ANKS4B: variants seen among roughly 807,000 people sequenced by gnomAD.
The protein encoded by ANKS4B is ankyrin repeat and SAM domain-containing protein 4B.
Under a neutral mutation model 20.2 loss-of-function variants are expected in ANKS4B, and 21 were observed. The observed-to-expected ratio is 1.04, with a 90% confidence interval of 0.74 to 1.50. ANKS4B has a LOEUF of 1.50. Ranked by LOEUF, ANKS4B falls within the 40% of genes most tolerant of loss-of-function variation. ANKS4B has a pLI of 0.00. For synonymous variants in ANKS4B, 179 were observed against 194.5 expected (o/e 0.92, Z 0.66); for missense variants, 473 against 494.6 (o/e 0.96, Z 0.41).
chr16:21,242,270 T>C (rs969960304), intron 1 of ANKS4B, among the ~76,000 whole-genome samples: 4 of 152,126 alleles, frequency 2.6e-5, no homozygotes, highest in African/African-American at 9.7e-5. Context: ...CACTGCAACC[T>C]CCGCCTCCCG....
Position 21,250,007 on chromosome 16 carries a change from C to T in ANKS4B, c.441C>T (p.Ile147=), listed in dbSNP as rs748695116. The T allele has an allele frequency of 6.2e-7, 1 of 1,614,150 alleles. No individual in the cohort carries two copies. Among genetic ancestry groups the T allele is most frequent in the Non-Finnish European group, 8.5e-7 (1 of 1,180,030 alleles). Residue 147 remains isoleucine (I), a synonymous_variant, in exon 2 of 2, where the codon ATC becomes ATT. Transcript: ENST00000311620. ...EQAQKNARRQ[I]KECERLQEKH... is the part of the protein sequence containing the mutation. ...CTCAGAAGAATGCCAGGAGGCAGAT[C>T]AAAGAGTGTGAGAGGCTCCAGGAGA...
At chr16:21,236,845 A>G (rs925207901) in intron 1 of ANKS4B, among the ~76,000 whole-genome samples, 2 of 152,230 alleles carry the variant, frequency 1.3e-5, no homozygotes, top group Non-Finnish European at 2.9e-5. Context: ...TTCTCTCTAT[A>G]TATACTATAG....
At chr16:21,248,548 G>A (rs566230887) in intron 1 of ANKS4B, among the ~76,000 whole-genome samples, 13 of 151,834 alleles carry the variant, frequency 8.6e-5, no homozygotes, top group African/African-American at 2.4e-4. Context: ...TGACCAACAC[G>A]GTGAAACTCC....
At chr16:21,243,986 G>A (rs1241608395) in intron 1 of ANKS4B, 3 of 151,704 alleles carry the variant, frequency 2.0e-5, no homozygotes, top group African/African-American at 7.3e-5. Context: ...TCAAAAGAAG[G>A]CCCACCTTTG....
Position 21,233,823 on chromosome 16 carries a change from A to G in ANKS4B, c.86A>G (p.Asp29Gly). 1 of 1,614,022 alleles carries G rather than the reference A, an allele frequency of 6.2e-7. No individual in the cohort carries two copies. The highest frequency in any genetic ancestry group is 8.5e-7 in the Non-Finnish European group (1 of 1,179,954). The change falls in exon 1 of 2, where the codon GAT (aspartate) becomes GGT (glycine). Residue 29 changes from aspartate to glycine, a missense_variant. Asp to Gly is a moderately conservative substitution (Grantham distance 94). Transcript: ENST00000311620. ...EATKRDLNLS[D>G]EDGMTPTLLA... Reference sequence around the variant, plus strand: ...ACCAAGCGAGATCTAAATCTTTCGGATGAAGACGGCATGACTCCTACTCTC... The same window carrying G: ...ACCAAGCGAGATCTAAATCTTTCGGGTGAAGACGGCATGACTCCTACTCTC...
At chr16:21,240,866 C>G (rs1464439521) in intron 1 of ANKS4B, among the ~76,000 whole-genome samples, 1 of 151,748 alleles carries the variant, frequency 6.6e-6, no homozygotes, top group Non-Finnish European at 1.5e-5. Context: ...TCTTGGCTCA[C>G]TGCATCCTCC....
rs1003094223 is a variant in ANKS4B, at chr16:21,253,617, G to C, written c.*2797G>C. On this transcript the variant is annotated 3_prime_UTR_variant, in exon 2 of 2. Transcript: ENST00000311620. ...CTGCTGTAACTACATCATAGCAAGA[G>C]AGCCATCACTCAGGTTGGTAGAAAT... 7 of 152,178 alleles carry C rather than the reference G, an allele frequency of 4.6e-5. No homozygotes were observed. The highest frequency in any genetic ancestry group is 1.7e-4 in the African/African-American group (7 of 41,442). The allele number at this position is 152,178 out of a possible 1,614,324, so 9.4% of individuals were successfully genotyped here. A position where few individuals can be genotyped will look rare whatever the true frequency, so the allele number is the denominator to read the frequency against.
At chr16:21,245,666 T>G (rs1320867780) in intron 1 of ANKS4B, among the ~76,000 whole-genome samples, 1 of 152,116 alleles carries the variant, frequency 6.6e-6, no homozygotes, top group East Asian at 1.9e-4. Context: ...GGTTTCACCA[T>G]GTTGAATAGG....
chr16:21,245,784 C>T (rs77260614), intron 1 of ANKS4B, among the ~76,000 whole-genome samples: 4,099 of 152,158 alleles, frequency 0.027, 78 homozygotes, highest in Middle Eastern at 0.089. Flanking sequence ...TTTTTAAAAA[C>T]CCACAAGCAT....
chr16:21,246,895 C>T (rs1006621025), intron 1 of ANKS4B, among the ~76,000 whole-genome samples: 4 of 152,294 alleles, frequency 2.6e-5, no homozygotes, highest in East Asian at 1.9e-4. Context: ...CAGGGATTCC[C>T]GTGGAGTAAC....
At position 21,250,636 on chromosome 16, in the gene ANKS4B, T is replaced by C; in HGVS notation, c.1070T>C (p.Leu357Pro). ...PLEVFLLSQH[L>P]EEFLPIFKRE... is the part of the protein sequence containing the mutation. Reference sequence around the variant, plus strand: ...GAAGTGTTCTTGCTGTCTCAGCACCTGGAAGAATTCCTGCCTATCTTCAAG... The same window carrying C: ...GAAGTGTTCTTGCTGTCTCAGCACCCGGAAGAATTCCTGCCTATCTTCAAG... The change falls in exon 2 of 2, where the codon CTG becomes CCG. Residue 357 changes from leucine to proline, a missense_variant. By Grantham distance (98) the Leu-to-Pro change is moderately conservative (BLOSUM62 -3). Transcript: ENST00000311620. 6.2e-7 allele frequency: 1 copy of C among 1,614,010 alleles called. No individual in the cohort carries two copies. The highest frequency in any genetic ancestry group is 8.5e-7 in the Non-Finnish European group (1 of 1,179,874).
At position 21,250,432 on chromosome 16, in the gene ANKS4B, A is replaced by G. The variant is rs1444413840; in HGVS notation, c.866A>G (p.Asp289Gly). Residue 289 changes from aspartate (D) to glycine (G), a missense_variant, in exon 2 of 2, where the codon GAT (aspartate) becomes GGT (glycine). Asp to Gly is a moderately conservative substitution (Grantham distance 94, BLOSUM62 -1). Transcript: ENST00000311620. ...NRISSPEDIS[D>G]SKREFGFKLP... is the part of the protein sequence containing the mutation. ...ATATCGAGTCCTGAAGACATCTCAG[A>G]TAGCAAGAGAGAGTTTGGTTTTAAA... The G allele has an allele frequency of 6.2e-7, 1 of 1,614,074 alleles. No individual in the cohort carries two copies. The highest frequency in any genetic ancestry group is 1.3e-5 in the African/African-American group (1 of 74,930).
intron 1 of ANKS4B, among the ~76,000 whole-genome samples, chr16:21,240,562 T>C (rs892496671): frequency 1.3e-5 from 2 of 152,174 alleles, no homozygotes; most frequent in African/African-American, 2.4e-5. Flanking sequence ...TTGAATAGAA[T>C]TGATAAAGTA....
intron 1 of ANKS4B, among the ~76,000 whole-genome samples, chr16:21,241,329 G>A (rs781591313): frequency 9.9e-5 from 15 of 152,160 alleles, no homozygotes; most frequent in Non-Finnish European, 2.2e-4. Context: ...GCGGTAGTGG[G>A]TTTTCCATTC....
At chr16:21,234,960 C>T (rs913522590) in intron 1 of ANKS4B, among the ~76,000 whole-genome samples, 1 of 152,120 alleles carries the variant, frequency 6.6e-6, no homozygotes, top group Admixed American at 6.5e-5. Context: ...GTGGTCCTCC[C>T]ATCTGAGCCT....
In ANKS4B at chr16:21,233,762, G is replaced by A. The variant is rs774144258; in HGVS notation, c.25G>A (p.Ala9Thr). Reference protein sequence around the residue: MSTRYHQAASDSYLELLKE... With the variant: MSTRYHQATSDSYLELLKE... ...AATGTCTACTCGTTACCACCAAGCTGCTAGTGATAGTTACCTGGAACTTCT... is the reference window on the plus strand; with the variant it reads ...AATGTCTACTCGTTACCACCAAGCTACTAGTGATAGTTACCTGGAACTTCT... Residue 9 changes from alanine (A) to threonine (T), a missense_variant, in exon 1 of 2, where the codon GCT (alanine) becomes ACT (threonine). Physicochemically the swap from Ala to Thr is moderately conservative, Grantham distance 58 (BLOSUM62 0). Transcript: ENST00000311620. 6 of 1,613,852 alleles carry A rather than the reference G, an allele frequency of 3.7e-6. No individual in the cohort carries two copies. The highest frequency in any genetic ancestry group is 5.1e-6 in the Non-Finnish European group (6 of 1,179,940).
chr16:21,239,473 C>T (rs989139534), intron 1 of ANKS4B, among the ~76,000 whole-genome samples: 3 of 152,126 alleles, frequency 2.0e-5, no homozygotes, highest in Non-Finnish European at 4.4e-5. Flanking sequence ...TCCAGCTCCT[C>T]AGGAGGCTGA....
chr16:21,252,689 G>C lies in ANKS4B; in HGVS notation c.*1869G>C, dbSNP rs1417262444. On this transcript the variant is annotated 3_prime_UTR_variant, in exon 2 of 2. Coordinates refer to ENST00000311620, the MANE Select transcript of ANKS4B (RefSeq NM_145865.3). ...ATTATGTACACATGGTTTATTTACT[G>C]TTGTCTGTCACCATTGCCGCATATC... The C allele has an allele frequency of 1.3e-5, 2 of 152,196 alleles. No individual in the cohort carries two copies. The highest frequency in any genetic ancestry group is 4.8e-5 in the African/African-American group (2 of 41,450). 9.4% of individuals were successfully genotyped at this position (152,196 alleles called of 1,614,324 possible). A position where few individuals can be genotyped will look rare whatever the true frequency, so the allele number is the denominator to read the frequency against.
intron 1 of ANKS4B, among the ~76,000 whole-genome samples, chr16:21,237,045 T>G (rs2093321027): frequency 6.6e-6 from 1 of 152,080 alleles, no homozygotes; most frequent in African/African-American, 2.4e-5. Context: ...TTTTTTGAGA[T>G]GGAGTCTCTC....
Sources: gnomAD v4.1 joint callset for allele counts (sites outside exome capture counted in the v4.1 genomes callset) on GRCh38, gnomAD v4.1.1 for gene constraint, MANE v1.5 for transcripts, NCBI Gene and HGNC (gene_info 2026-07-23, HGNC 2026-07-21) for gene names.